Variants in NUAK1 observed in about 807,000 individuals in gnomAD.
The protein encoded by NUAK1 is NUAK family kinase 1, also known as NUAK family SNF1-like kinase 1.
In NUAK1, 26 loss-of-function variants were observed where a neutral mutation model predicts 56.9. The observed-to-expected ratio is 0.46, with a 90% confidence interval of 0.33 to 0.63. NUAK1 has a LOEUF of 0.63. NUAK1 is among the 30% of genes least tolerant of loss of function. The pLI is 0.02. For synonymous variants in NUAK1, 337 were observed against 336.0 expected (o/e 1.00, Z -0.03); for missense variants, 727 against 876.1 (o/e 0.83, Z 2.15).
chr12:106,123,864 C>T (rs2136481199), intron 1 of NUAK1, among the ~76,000 whole-genome samples: 1 of 152,262 alleles, frequency 6.6e-6, no homozygotes, highest in South Asian at 2.1e-4. Context: ...TCCCACTGGG[C>T]CCGAGACACT....
intron 1 of NUAK1, among the ~76,000 whole-genome samples, chr12:106,134,153 T>C (rs1161192027): frequency 3.3e-5 from 5 of 152,248 alleles, no homozygotes; most frequent in Non-Finnish European, 7.3e-5. Context: ...TTAACACTTC[T>C]GCGCCTTACT....
chr12:106,138,331 C>T lies in NUAK1; in HGVS notation c.240+83G>A. 4.0e-6 allele frequency: 6 copies of T among 1,497,384 alleles called. No individual in the cohort carries two copies. Among genetic ancestry groups the T allele is most frequent in the Non-Finnish European group, 5.3e-6 (6 of 1,129,970 alleles). The allele number at this position is 1,497,384 out of a possible 1,614,324, so 92.8% of individuals were successfully genotyped here. A position where few individuals can be genotyped will look rare whatever the true frequency, so the allele number is the denominator to read the frequency against. ...TCTCTGTCAAGAGAGCCCCAGGGCG[C>T]ACAGACCCCCGCCTCGCACGCCCTC... is the stretch of plus-strand genomic sequence containing the variant. On this transcript the variant is annotated intron_variant, in intron 1 of 6. Transcript: ENST00000261402. This position sits in a 1 kb window ranked among gnomAD's most constrained non-coding sequence, Gnocchi z 5.0.
intron 2 of NUAK1, among the ~76,000 whole-genome samples, chr12:106,103,880 G>C (rs1315764982): frequency 6.6e-6 from 1 of 152,136 alleles, no homozygotes; most frequent in Non-Finnish European, 1.5e-5. Flanking sequence ...TCCATGTGAA[G>C]AGGGAATGTT....
chr12:106,138,276 G>A lies in NUAK1; in HGVS notation c.240+138C>T. On this transcript the variant is annotated intron_variant, in intron 1 of 6. Coordinates refer to ENST00000261402, the MANE Select transcript of NUAK1 (RefSeq NM_014840.3). The surrounding 1 kb of genome is among the most constrained non-coding windows in gnomAD (Gnocchi z 5.0). ...CGGGGTGCTGGAGAAAGAGTGAGGA[G>A]TCTGTCTCGGGGCTTCCCAATGAGC... 8.5e-7 allele frequency: 1 copy of A among 1,172,306 alleles called. No homozygotes were observed. The highest frequency in any genetic ancestry group is 1.2e-6 in the Non-Finnish European group (1 of 861,918). The allele number at this position is 1,172,306 out of a possible 1,614,324, so 72.6% of individuals were successfully genotyped here.
intron 1 of NUAK1, among the ~76,000 whole-genome samples, chr12:106,128,117 TTC>T (rs1309977965): frequency 4.0e-5 from 6 of 150,684 alleles, no homozygotes; most frequent in Admixed American, 6.6e-5. Context: ...TAGCTCCAAA[TTC>T]TCTCTTTTCT....
intron 2 of NUAK1, among the ~76,000 whole-genome samples, chr12:106,097,307 T>C (rs1388747136): frequency 6.6e-6 from 1 of 152,222 alleles, no homozygotes; most frequent in Admixed American, 6.5e-5. Flanking sequence ...ATTAGGTTCA[T>C]GCAAAACTGA....
chr12:106,068,882 G>A (rs2032373095), intron 6 of NUAK1, among the ~76,000 whole-genome samples: 1 of 152,158 alleles, frequency 6.6e-6, no homozygotes, highest in African/African-American at 2.4e-5. Context: ...ATAGGGACTG[G>A]GGCAAGAAAC....
chr12:106,097,132 A>G (rs2032703673), intron 2 of NUAK1, among the ~76,000 whole-genome samples: 1 of 152,218 alleles, frequency 6.6e-6, no homozygotes, highest in Non-Finnish European at 1.5e-5. Flanking sequence ...ATTTAATCCT[A>G]CATTATCTAT....
chr12:106,079,715 C>T (rs1202091216), intron 4 of NUAK1, among the ~76,000 whole-genome samples: 1 of 152,218 alleles, frequency 6.6e-6, no homozygotes, highest in Admixed American at 6.5e-5. Flanking sequence ...TCTTCACTGC[C>T]AGCCAATTAC....
At chr12:106,136,200 C>T (rs369696154) in intron 1 of NUAK1, among the ~76,000 whole-genome samples, 1 of 152,122 alleles carries the variant, frequency 6.6e-6, no homozygotes, top group African/African-American at 2.4e-5. Context: ...AGTTTCTGGG[C>T]GTGGGTCTGC....
chr12:106,088,201 T>C (rs2032595411), intron 2 of NUAK1, among the ~76,000 whole-genome samples: 1 of 152,218 alleles, frequency 6.6e-6, no homozygotes, highest in Non-Finnish European at 1.5e-5. Context: ...AAGATGTCCT[T>C]TGAGCAAGGA....
intron 2 of NUAK1, among the ~76,000 whole-genome samples, chr12:106,091,472 G>A (rs571295522): frequency 3.9e-5 from 6 of 152,314 alleles, no homozygotes; most frequent in African/African-American, 1.4e-4. Flanking sequence ...TTCCCAGTTT[G>A]GAGGGGAAGG....
intron 4 of NUAK1, among the ~76,000 whole-genome samples, chr12:106,077,359 C>T (rs1371486773): frequency 6.6e-6 from 1 of 152,196 alleles, no homozygotes; most frequent in Non-Finnish European, 1.5e-5. Flanking sequence ...ATGTAAAGCT[C>T]CTGGAATAGT....
Position 106,066,523 on chromosome 12 carries a change from T to G in NUAK1, c.*279A>C. ...TTCCTCTCCACCCACTGAGTGCCGG[T>G]CAATACCACCTCCCCTGGACAGCTG... On this transcript the variant is annotated 3_prime_UTR_variant, in exon 7 of 7. Coordinates refer to ENST00000261402, the MANE Select transcript of NUAK1 (RefSeq NM_014840.3). 2.2e-6 allele frequency: 1 copy of G among 464,602 alleles called. No homozygotes were observed. Among genetic ancestry groups the G allele is most frequent in the Non-Finnish European group, 3.9e-6 (1 of 256,756 alleles). The allele number at this position is 464,602 out of a possible 1,614,324, so 28.8% of individuals were successfully genotyped here.
chr12:106,073,069 C>T (rs544448654), intron 4 of NUAK1, among the ~76,000 whole-genome samples: 19 of 152,316 alleles, frequency 1.2e-4, no homozygotes, highest in African/African-American at 4.3e-4. Flanking sequence ...ACAAGTTCTA[C>T]CAAATCTGCA....
chr12:106,085,392 G>C (rs1459111459), intron 3 of NUAK1, among the ~76,000 whole-genome samples: 2 of 152,214 alleles, frequency 1.3e-5, no homozygotes, highest in Non-Finnish European at 2.9e-5. Context: ...TTAGATTTGA[G>C]TAACTGTTCT....
intron 2 of NUAK1, among the ~76,000 whole-genome samples, chr12:106,101,434 A>G (rs1181591670): frequency 6.6e-6 from 1 of 152,112 alleles, no homozygotes; most frequent in Non-Finnish European, 1.5e-5. Context: ...CTTTACGGAG[A>G]TAAGTTAAAA....
At chr12:106,080,063 T>C (rs1055141427) in intron 4 of NUAK1, among the ~76,000 whole-genome samples, 1 of 152,216 alleles carries the variant, frequency 6.6e-6, no homozygotes, top group Non-Finnish European at 1.5e-5. Flanking sequence ...ACACATGAAT[T>C]GATTAATTCA....
chr12:106,106,580 C>A, intron 1 of NUAK1, 55 bp from the exon 2 acceptor site: 1 of 1,545,288 alleles, frequency 6.5e-7, no homozygotes, highest in Non-Finnish European at 8.8e-7. Flanking sequence ...TGCAAATCAG[C>A]CATTGGGGGA....
Sources: gnomAD v4.1 joint callset for allele counts (sites outside exome capture counted in the v4.1 genomes callset) on GRCh38, gnomAD v4.1.1 for gene constraint, Gnocchi (gnomAD v3.1) non-coding constraint, MANE v1.5 for transcripts, NCBI Gene and HGNC (gene_info 2026-07-23, HGNC 2026-07-21) for gene names.